ZNF385D: variants seen among roughly 807,000 people sequenced by gnomAD.
ZNF385D encodes zinc finger protein 385D.
In ZNF385D, 15 loss-of-function variants were observed where a neutral mutation model predicts 35.8. The ratio of observed to expected loss-of-function variants is 0.42; its 90% confidence interval spans 0.28 to 0.64. ZNF385D has a LOEUF of 0.64. Among genes scored for constraint, ZNF385D ranks in the 30% least tolerant of loss-of-function variants. ZNF385D has a pLI of 0.23. For synonymous variants in ZNF385D, 212 were observed against 186.8 expected (o/e 1.13, Z -1.10); for missense variants, 474 against 494.6 (o/e 0.96, Z 0.39).
intron 3 of ZNF385D, among the ~76,000 whole-genome samples, chr3:21,976,150 C>T (rs1188012203): frequency 6.6e-6 from 1 of 152,142 alleles, no homozygotes; most frequent in Non-Finnish European, 1.5e-5. Context: ...AAGATCTGAT[C>T]AGATTTGAGT....
At chr3:21,616,672 T>G (rs2125803069) in intron 2 of ZNF385D, among the ~76,000 whole-genome samples, 1 of 152,328 alleles carries the variant, frequency 6.6e-6, no homozygotes, top group South Asian at 2.1e-4. Flanking sequence ...CTTATTATAC[T>G]TAGTATGTGG....
At chr3:21,499,867 G>T (rs1706233251) in intron 4 of ZNF385D, among the ~76,000 whole-genome samples, 1 of 152,146 alleles carries the variant, frequency 6.6e-6, no homozygotes, top group South Asian at 2.1e-4. Context: ...CTAGAGACTG[G>T]TTATACACTG....
At chr3:22,234,457 A>G (rs1270550789) in intron 2 of ZNF385D, among the ~76,000 whole-genome samples, 1 of 152,046 alleles carries the variant, frequency 6.6e-6, no homozygotes, top group Non-Finnish European at 1.5e-5. Flanking sequence ...AGTCTAGAAG[A>G]GTCAGCATTC....
chr3:22,192,682 C>T (rs561479361), intron 2 of ZNF385D, among the ~76,000 whole-genome samples: 1 of 152,096 alleles, frequency 6.6e-6, no homozygotes, highest in Admixed American at 6.6e-5. Flanking sequence ...ATGAAAAAAC[C>T]TCAGCAAATG....
intron 2 of ZNF385D, among the ~76,000 whole-genome samples, chr3:21,649,662 ATATT>A (rs1392606907): frequency 6.6e-6 from 1 of 152,226 alleles, no homozygotes; most frequent in Non-Finnish European, 1.5e-5. Context: ...TAATTAATTT[ATATT>A]GAATGCAAAA....
intron 3 of ZNF385D, among the ~76,000 whole-genome samples, chr3:21,823,189 A>G (rs912667826): frequency 6.6e-6 from 1 of 152,262 alleles, no homozygotes; most frequent in Admixed American, 6.5e-5. Flanking sequence ...ACTTTAAAAG[A>G]CTGTGTAATT....
chr3:21,975,739 A>ATATATATG (rs1553711018), intron 3 of ZNF385D, among the ~76,000 whole-genome samples: 985 of 48,186 alleles, frequency 0.02, 26 homozygotes, highest in Non-Finnish European at 0.028. Context: ...ATATATATAT[A>ATATATATG]TATATATATA....
chr3:22,039,692 C>T (rs921452399), intron 3 of ZNF385D, among the ~76,000 whole-genome samples: 1 of 152,094 alleles, frequency 6.6e-6, no homozygotes, highest in South Asian at 2.1e-4. Context: ...CAAATCCAGG[C>T]AAATTACACC....
chr3:22,331,504 C>T (rs1472944486), intron 2 of ZNF385D, among the ~76,000 whole-genome samples: 3 of 151,990 alleles, frequency 2.0e-5, no homozygotes, highest in African/African-American at 7.3e-5. Context: ...CATAAAATTA[C>T]CTAACGCATA....
At chr3:21,789,818 G>T (rs1447820508) in intron 3 of ZNF385D, among the ~76,000 whole-genome samples, 1 of 152,138 alleles carries the variant, frequency 6.6e-6, no homozygotes, top group Non-Finnish European at 1.5e-5. Flanking sequence ...TAACCAATTT[G>T]GGGCCATAAT....
chr3:21,712,726 T>C (rs73046225), intron 1 of ZNF385D, among the ~76,000 whole-genome samples: 7,031 of 152,250 alleles, frequency 0.046, 331 homozygotes, highest in African/African-American at 0.12. Context: ...GTTTTTACTA[T>C]TGTCTGAATA....
chr3:22,073,330 G>GAA (rs5847159), intron 3 of ZNF385D, among the ~76,000 whole-genome samples: 71 of 138,686 alleles, frequency 5.1e-4, no homozygotes, highest in African/African-American at 6.4e-4. Context: ...AACAGACAGT[G>GAA]AAAAAAAAAA....
chr3:21,493,839 C>G (rs1705615450), intron 4 of ZNF385D, among the ~76,000 whole-genome samples: 1 of 152,058 alleles, frequency 6.6e-6, no homozygotes, highest in South Asian at 2.1e-4. Flanking sequence ...TTTTCCAAAG[C>G]AATAATTCCA....
intron 3 of ZNF385D, among the ~76,000 whole-genome samples, chr3:21,776,067 ACAAT>A (rs1333388942): frequency 3.3e-5 from 5 of 151,740 alleles, no homozygotes; most frequent in Non-Finnish European, 7.4e-5. Flanking sequence ...TGTATATTAT[ACAAT>A]CAAAATCTTC....
intron 2 of ZNF385D, among the ~76,000 whole-genome samples, chr3:21,639,736 C>G (rs2065546887): frequency 6.6e-6 from 1 of 152,068 alleles, no homozygotes; most frequent in Non-Finnish European, 1.5e-5. Context: ...ATATTGTTCA[C>G]ATAAAAACCA....
intron 2 of ZNF385D, among the ~76,000 whole-genome samples, chr3:22,365,744 C>T (rs1559543786): frequency 2.0e-5 from 3 of 152,184 alleles, no homozygotes; most frequent in South Asian, 4.1e-4. Context: ...TTCTTTTGTA[C>T]TGCAAGTACT....
At chr3:22,346,439 C>T (rs1397719924) in intron 2 of ZNF385D, among the ~76,000 whole-genome samples, 2 of 152,136 alleles carry the variant, frequency 1.3e-5, no homozygotes, top group Non-Finnish European at 2.9e-5. Flanking sequence ...AAAGCATTTG[C>T]CATGCATTCA....
At chr3:22,157,577 G>T (rs957131903) in intron 3 of ZNF385D, among the ~76,000 whole-genome samples, 1 of 152,054 alleles carries the variant, frequency 6.6e-6, no homozygotes, top group Admixed American at 6.5e-5. Context: ...AAATATTCTT[G>T]CATTAATTCG....
intron 3 of ZNF385D, among the ~76,000 whole-genome samples, chr3:22,071,334 C>G (rs756993163): frequency 3.3e-5 from 5 of 152,124 alleles, no homozygotes; most frequent in Non-Finnish European, 7.4e-5. Flanking sequence ...AGCAACCTAT[C>G]TAAACAGTGA....
Sources: gnomAD v4.1 joint callset for allele counts (sites outside exome capture counted in the v4.1 genomes callset) on GRCh38, gnomAD v4.1.1 for gene constraint, MANE v1.5 for transcripts, NCBI Gene and HGNC (gene_info 2026-07-23, HGNC 2026-07-21) for gene names.